The following ASIC2 variants were observed in gnomAD, a reference collection of about 807,000 sequenced individuals.
The protein encoded by ASIC2 is acid sensing ion channel subunit 2.
In ASIC2, 25 loss-of-function variants were observed where a neutral mutation model predicts 57.3. That is an observed-to-expected ratio of 0.44 (90% CI 0.32 to 0.61). The LOEUF is 0.61. ASIC2 is among the 20% of genes least tolerant of loss of function. The pLI, the probability that ASIC2 is intolerant of heterozygous loss-of-function variation, is 0.06. For missense variants in ASIC2, 641 were observed against 738.1 expected, an observed-to-expected ratio of 0.87 and a Z score of 1.52; for synonymous variants, 319 against 307.5, an observed-to-expected ratio of 1.04 and a Z score of -0.39.
intron 1 of ASIC2, among the ~76,000 whole-genome samples, chr17:33,429,137 C>T (rs1437519472): frequency 6.6e-6 from 1 of 152,112 alleles, no homozygotes; most frequent in Admixed American, 6.5e-5. Context: ...GATGCTAGTA[C>T]CAACTTGCAT....
At position 34,029,048 on chromosome 17, in the gene ASIC2, G is replaced by A. The variant is rs147088087; in HGVS notation, c.555+126930C>T. On this transcript the variant is annotated intron_variant, in intron 1 of 9. Transcript: ENST00000359872. The stretch of plus-strand genomic sequence containing the variant: ...TTGAAGTCTTTGACTTCGTTCAAAC[G>A]AAGTCTTCCTTGATCATCCCCCTCC... Among the ~76,000 whole-genome samples, 1,034 of 152,242 alleles carry A rather than the reference G, an allele frequency of 6.8e-3. 13 individuals carry two copies. Among genetic ancestry groups the A allele is most frequent in the Middle Eastern group, 0.031 (9 of 294 alleles).
chr17:33,032,094 C>T (rs1157946036), intron 3 of ASIC2, among the ~76,000 whole-genome samples: 1 of 152,148 alleles, frequency 6.6e-6, no homozygotes, highest in Non-Finnish European at 1.5e-5. Context: ...AAGGTTTGAT[C>T]TATTTACACT....
chr17:34,104,829 TTC>T (rs1910987498), intron 1 of ASIC2, among the ~76,000 whole-genome samples: 1 of 152,100 alleles, frequency 6.6e-6, no homozygotes. Context: ...GGTTATAATA[TTC>T]TTTTTATATA....
intron 1 of ASIC2, among the ~76,000 whole-genome samples, chr17:33,967,802 C>A (rs1229354676): frequency 6.6e-6 from 1 of 152,170 alleles, no homozygotes; most frequent in African/African-American, 2.4e-5. Flanking sequence ...CTCACCACAC[C>A]CCTGTGAGTA....
chr17:33,140,246 C>T (rs2092382287), intron 1 of ASIC2, among the ~76,000 whole-genome samples: 1 of 152,228 alleles, frequency 6.6e-6, no homozygotes, highest in African/African-American at 2.4e-5. Flanking sequence ...CCTTTGGCTG[C>T]TTGGACCCAC....
intron 1 of ASIC2, among the ~76,000 whole-genome samples, chr17:33,441,818 T>A (rs1911832618): frequency 6.6e-6 from 1 of 152,224 alleles, no homozygotes; most frequent in South Asian, 2.1e-4. Flanking sequence ...CTACTTTTCA[T>A]CAATCTTATG....
intron 1 of ASIC2, among the ~76,000 whole-genome samples, chr17:34,028,301 G>A (rs1907454264): frequency 6.6e-6 from 1 of 152,158 alleles, no homozygotes; most frequent in African/African-American, 2.4e-5. Context: ...GAGGAACAAA[G>A]AGTTCTTGCT....
intron 1 of ASIC2, among the ~76,000 whole-genome samples, chr17:33,168,951 T>C (rs1039252051): frequency 2.0e-5 from 3 of 152,082 alleles, no homozygotes; most frequent in African/African-American, 4.8e-5. Flanking sequence ...ATCAAGACAA[T>C]GGGAAAAAGA....
intron 1 of ASIC2, among the ~76,000 whole-genome samples, chr17:33,801,979 TTCTC>T (rs1438729392): frequency 1.3e-5 from 2 of 152,182 alleles, no homozygotes; most frequent in Non-Finnish European, 2.9e-5. Context: ...AAAATATTGT[TTCTC>T]TCAGGCTAAT....
rs552553295 is a variant in ASIC2 at position 34,115,027 on chromosome 17, G to A, written c.555+40951C>T. ...GGAACAGAGAAACAACTTTCCCTCC[G>A]TTGCTCATTTCAGTGACCAGTAACC... On this transcript the variant is annotated intron_variant, in intron 1 of 9. Transcript: ENST00000359872. Among the ~76,000 whole-genome samples, 156 of 152,264 alleles carry A rather than the reference G, an allele frequency of 1.0e-3. 2 individuals carry two copies. The highest frequency in any genetic ancestry group is 3.4e-3 in the African/African-American group (140 of 41,538).
intron 1 of ASIC2, among the ~76,000 whole-genome samples, chr17:34,062,291 A>C (rs1204357396): frequency 1.3e-5 from 2 of 152,218 alleles, no homozygotes; most frequent in African/African-American, 2.4e-5. Context: ...CAAAAACAAA[A>C]TCAAGATGGA....
chr17:33,304,825 G>T (rs555838459), intron 1 of ASIC2, among the ~76,000 whole-genome samples: 3 of 152,042 alleles, frequency 2.0e-5, no homozygotes, highest in Non-Finnish European at 2.9e-5. Context: ...CTTGTAGTGC[G>T]TCTGCCGTCT....
intron 1 of ASIC2, among the ~76,000 whole-genome samples, chr17:33,651,674 G>GAGTC (rs1906923516): frequency 1.3e-5 from 2 of 152,240 alleles, no homozygotes; most frequent in Admixed American, 1.3e-4. Context: ...TGGCAAGGTT[G>GAGTC]AGTCAGGCAG....
At chr17:34,143,243 G>A (rs183966360) in intron 1 of ASIC2, among the ~76,000 whole-genome samples, 52 of 152,288 alleles carry the variant, frequency 3.4e-4, no homozygotes, top group Non-Finnish European at 5.1e-4. Context: ...ACTGAGTGAC[G>A]TTGTGCCAGT....
intron 1 of ASIC2, among the ~76,000 whole-genome samples, chr17:33,945,207 G>C (rs1387445843): frequency 1.3e-5 from 2 of 152,098 alleles, no homozygotes. Flanking sequence ...TTCCATCTTA[G>C]AAAGGGAGTT....
intron 1 of ASIC2, among the ~76,000 whole-genome samples, chr17:33,167,106 C>T (rs1345651208): frequency 6.6e-6 from 1 of 152,136 alleles, no homozygotes; most frequent in Non-Finnish European, 1.5e-5. Context: ...ATCATATGTT[C>T]CAAACCCCAT....
At chr17:33,841,687 C>A (rs1913442888) in intron 1 of ASIC2, among the ~76,000 whole-genome samples, 1 of 152,160 alleles carries the variant, frequency 6.6e-6, no homozygotes, top group Non-Finnish European at 1.5e-5. Context: ...ACAGAAGCCC[C>A]CAAGAGAGGG....
intron 1 of ASIC2, among the ~76,000 whole-genome samples, chr17:33,751,339 T>C (rs141708319): frequency 2.4e-3 from 366 of 152,316 alleles, no homozygotes; most frequent in African/African-American, 8.3e-3. Flanking sequence ...GGAATTGTTC[T>C]GGGAAAGTCA....
intron 3 of ASIC2, among the ~76,000 whole-genome samples, chr17:33,053,609 T>C (rs1567727967): frequency 6.6e-6 from 1 of 152,170 alleles, no homozygotes; most frequent in Admixed American, 6.5e-5. Context: ...TATACCCTCC[T>C]CCAATCTGAC....
Sources: gnomAD v4.1 joint callset for allele counts (sites outside exome capture counted in the v4.1 genomes callset) on GRCh38, gnomAD v4.1.1 for gene constraint, MANE v1.5 for transcripts, NCBI Gene and HGNC (gene_info 2026-07-23, HGNC 2026-07-21) for gene names.